UBAP2: variants seen among roughly 807,000 people sequenced by gnomAD.
UBAP2 encodes ubiquitin associated protein 2, also known as ubiquitin-associated protein 2.
Under a neutral mutation model 139.6 loss-of-function variants are expected in UBAP2, and 75 were observed. The ratio of observed to expected loss-of-function variants is 0.54; its 90% CI spans 0.45 to 0.65. The LOEUF (loss-of-function observed/expected upper bound fraction) is 0.65. Ranked by LOEUF, UBAP2 falls within the 30% of genes least tolerant of loss-of-function variation. The pLI is 0.00. For synonymous variants in UBAP2, 526 were observed against 526.2 expected, an observed-to-expected ratio of 1.00 and a Z score of 0.01; for missense variants, 1,368 against 1,369.6, an observed-to-expected ratio of 1.00 and a Z score of 0.02.
chr9:33,949,617 C>G (rs542628743), intron 12 of UBAP2, among the ~76,000 whole-genome samples: 1 of 152,234 alleles, frequency 6.6e-6, no homozygotes, highest in South Asian at 2.1e-4. Flanking sequence ...ACAGGAGAAT[C>G]GCTTGAACCC....
rs561667290 is a variant in UBAP2, at chr9:33,992,195, C to T, written c.289-3069G>A. On this transcript the variant is annotated intron_variant, in intron 4 of 28. Transcript: ENST00000379238. ...CCTGAGGTTGGGAGTTCAAGACCAG[C>T]CTGACCAACATGGAGAAACCCCATC... 3.0e-4 allele frequency among the ~76,000 whole-genome samples: 46 copies of T among 152,092 alleles called. 1 individual carries two copies. Among genetic ancestry groups the T allele is most frequent in the South Asian group, 1.0e-3 (5 of 4,812 alleles).
At chr9:33,968,574 CTG>C (rs1214839714) in intron 8 of UBAP2, 6 of 348,178 alleles carry the variant, frequency 1.7e-5, no homozygotes, top group Admixed American at 3.8e-5. Flanking sequence ...CTCAGAAACA[CTG>C]TTTGTTTTAA....
intron 13 of UBAP2, among the ~76,000 whole-genome samples, chr9:33,947,743 T>G (rs962422518): frequency 8.6e-5 from 13 of 151,604 alleles, no homozygotes; most frequent in African/African-American, 3.2e-4. Context: ...GAGGATGGAC[T>G]GAGCCTGGGA....
At chr9:34,008,437 A>G (rs1380453559) in intron 2 of UBAP2, among the ~76,000 whole-genome samples, 2 of 152,094 alleles carry the variant, frequency 1.3e-5, no homozygotes, top group Non-Finnish European at 2.9e-5. Flanking sequence ...GACATAACAC[A>G]AAAGAAGTCA....
At chr9:33,924,599 G>A (rs960192305) in intron 22 of UBAP2, among the ~76,000 whole-genome samples, 2 of 152,192 alleles carry the variant, frequency 1.3e-5, no homozygotes, top group Non-Finnish European at 2.9e-5. Context: ...AACCAACTTC[G>A]CTGGCTTTTC....
At chr9:33,955,343 A>T (rs547470987) in intron 11 of UBAP2, among the ~76,000 whole-genome samples, 6 of 151,916 alleles carry the variant, frequency 3.9e-5, no homozygotes, top group African/African-American at 1.2e-4. Flanking sequence ...ATATGGTGAA[A>T]CCCCGTCTCC....
rs146995680 is a variant in UBAP2, at chr9:33,996,498, C to A, written c.178-165G>T. 42 of 561,592 alleles carry A rather than the reference C, an allele frequency of 7.5e-5. No homozygotes were observed. In the East Asian group the frequency reaches 1.2e-3, roughly 16 times the overall value. The allele number at this position is 561,592 out of a possible 1,614,324, so 34.8% of individuals were successfully genotyped here. ...ACATGTTTACTTATTTTTTTGTGGC[C>A]ATTCCATGCATGTCTTTTCACTAAC... is the stretch of plus-strand genomic sequence containing the variant. On this transcript the variant is annotated intron_variant, in intron 3 of 28. Coordinates refer to ENST00000379238, the MANE Select transcript of UBAP2 (RefSeq NM_001370062.2).
Position 33,922,545 on chromosome 9 carries a change from A to G in UBAP2, c.3319T>C (p.Ser1107Pro), listed in dbSNP as rs1412612610. ...GGAGAGTTGCCGTAGGCAGGTTTGG[A>G]GGCTTGAGACTTGGGCTGCAGGGAG... ...PSSLQPKSQA[S>P]KPAYGNSPYW... The change falls in exon 29 of 29, where the codon TCC (serine) becomes CCC (proline). Residue 1107 changes from serine to proline, a missense_variant. By Grantham distance (74) the Ser-to-Pro change is moderately conservative. Transcript: ENST00000379238. The G allele has an allele frequency of 6.2e-7, 1 of 1,613,776 alleles. No homozygotes were observed.
intron 8 of UBAP2, among the ~76,000 whole-genome samples, chr9:33,968,917 A>G (rs1474976051): frequency 6.6e-6 from 1 of 152,232 alleles, no homozygotes; most frequent in East Asian, 1.9e-4. Context: ...CATTTCAGAT[A>G]AATAAAATCA....
intron 16 of UBAP2, among the ~76,000 whole-genome samples, chr9:33,937,679 GGGTTGATCACCTGA>G (rs1170662531): frequency 2.7e-5 from 4 of 150,926 alleles, no homozygotes; most frequent in Admixed American, 6.6e-5. Flanking sequence ...CAGCTGTGGT[GGGTTGATCACCTGA>G]GGTCAGGAGT....
At position 33,984,192 on chromosome 9, in the gene UBAP2, C is replaced by T. The variant is rs1428722305; in HGVS notation, c.520+2568G>A. 3.3e-5 allele frequency among the ~76,000 whole-genome samples: 5 copies of T among 152,114 alleles called. No homozygotes were observed. In the East Asian group the frequency reaches 7.7e-4, roughly 23 times the overall value. On this transcript the variant is annotated intron_variant, in intron 6 of 28. Coordinates refer to ENST00000379238, the MANE Select transcript of UBAP2 (RefSeq NM_001370062.2). Reference sequence around the variant, plus strand: ...GTGCTGGGATTACAGGTATGAGCCACCACACCCGGCCTGAATCCCTGGGAT... The same window carrying T: ...GTGCTGGGATTACAGGTATGAGCCATCACACCCGGCCTGAATCCCTGGGAT...
intron 12 of UBAP2, chr9:33,948,871 C>T (rs936532473): frequency 2.5e-5 from 8 of 319,660 alleles, no homozygotes; most frequent in East Asian, 6.6e-5. Flanking sequence ...TGATGTTGGC[C>T]GGGCGCGGTG....
chr9:34,027,472 T>C (rs996877536), intron 1 of UBAP2, among the ~76,000 whole-genome samples: 3 of 151,618 alleles, frequency 2.0e-5, no homozygotes, highest in Non-Finnish European at 2.9e-5. Flanking sequence ...ACTCCAACAG[T>C]CTGGGAGGCC....
rs911732494 is a variant in UBAP2, at chr9:33,944,379, G to A, written c.1531C>T (p.Pro511Ser). ...KHIKLAKRRI[P>S]PASKIPASAV... Reference sequence around the variant, plus strand: ...GAAATGCCCACCTTAGAAGCTGGGGGTATCCGCCGCTTAGCAAGTTTGATG... The same window carrying A: ...GAAATGCCCACCTTAGAAGCTGGGGATATCCGCCGCTTAGCAAGTTTGATG... The change falls in exon 14 of 29, where the codon CCC becomes TCC. Residue 511 changes from proline to serine, a missense_variant. Coordinates refer to ENST00000379238, the MANE Select transcript of UBAP2 (RefSeq NM_001370062.2). 5 of 1,612,526 alleles carry A rather than the reference G, an allele frequency of 3.1e-6. No homozygotes were observed. The highest frequency in any genetic ancestry group is 4.2e-6 in the Non-Finnish European group (5 of 1,178,782).
chr9:33,939,206 T>TTTTTTA (rs575154458), intron 16 of UBAP2, among the ~76,000 whole-genome samples: 1 of 138,418 alleles, frequency 7.2e-6, no homozygotes, highest in Non-Finnish European at 1.6e-5. Flanking sequence ...TTTTTTTTTT[T>TTTTTTA]TTTTTGAGAT....
chr9:33,948,258 C>A, intron 13 of UBAP2, 116 bp downstream of exon 13: 1 of 854,806 alleles, frequency 1.2e-6, no homozygotes. Flanking sequence ...TGCAAGAGTT[C>A]TACTAAAAAG....
chr9:34,004,461 T>A (rs1385916754), intron 2 of UBAP2, among the ~76,000 whole-genome samples: 1 of 148,558 alleles, frequency 6.7e-6, no homozygotes, highest in East Asian at 2.0e-4. Context: ...CTCCAGCCTG[T>A]GTGACAGAAC....
intron 1 of UBAP2, among the ~76,000 whole-genome samples, chr9:34,043,803 T>C (rs1827308025): frequency 6.8e-6 from 1 of 146,000 alleles, no homozygotes; most frequent in South Asian, 2.3e-4. Flanking sequence ...TCCAACTTTT[T>C]TTTTTTTTAA....
chr9:33,989,735 G>A (rs1198912752), intron 4 of UBAP2, among the ~76,000 whole-genome samples: 3 of 151,976 alleles, frequency 2.0e-5, no homozygotes, highest in African/African-American at 7.3e-5. Context: ...ATTTCCCCAA[G>A]CTCCTATTCT....
Sources: allele counts gnomAD v4.1 joint callset (sites outside exome capture counted in the v4.1 genomes callset), GRCh38; gene constraint gnomAD v4.1.1; transcripts MANE v1.5; gene names NCBI Gene and HGNC (gene_info 2026-07-23, HGNC 2026-07-21).